The following DIAPH2 variants were observed in gnomAD, a reference collection of about 807,000 sequenced individuals.
DIAPH2 encodes the protein protein diaphanous homolog 2.
In DIAPH2, 35 loss-of-function variants were observed where a neutral mutation model predicts 92.7. The ratio of observed to expected loss-of-function variants is 0.38; its 90% CI spans 0.29 to 0.50. The LOEUF (loss-of-function observed/expected upper bound fraction) is 0.50. DIAPH2 is among the 20% of genes least tolerant of loss of function. DIAPH2 has a pLI of 0.94. For missense variants in DIAPH2, 701 were observed against 819.5 expected (o/e 0.86, Z 1.77); for synonymous variants, 301 against 280.4 (o/e 1.07, Z -0.73).
chrX:96,765,357 C>T (rs1232783741), intron 4 of DIAPH2, among the ~76,000 whole-genome samples: 1 of 109,076 alleles, frequency 9.2e-6, no homozygotes, highest in African/African-American at 3.4e-5. Context: ...ACCACCATGC[C>T]CAGCTAATTT....
chrX:96,885,749 T>C (rs1010073336), intron 5 of DIAPH2, among the ~76,000 whole-genome samples: 1 of 111,787 alleles, frequency 8.9e-6, no homozygotes, highest in African/African-American at 3.2e-5. Context: ...TGTGGTGAAG[T>C]TCAATGATTA....
chrX:97,471,997 T>C (rs62594817), intron 26 of DIAPH2, among the ~76,000 whole-genome samples: 3,803 of 111,931 alleles, frequency 0.034, 71 homozygotes, highest in Non-Finnish European at 0.054. Flanking sequence ...CCCTTTCACT[T>C]AGGGGCTCAT....
chrX:96,852,921 AG>A (rs2065014806), intron 4 of DIAPH2, among the ~76,000 whole-genome samples: 1 of 111,846 alleles, frequency 8.9e-6, no homozygotes, highest in South Asian at 3.7e-4. Context: ...ACAGGTAAAA[AG>A]GTGCCCTATT....
chrX:97,160,165 A>G (rs2067358011), intron 22 of DIAPH2, among the ~76,000 whole-genome samples: 2 of 111,562 alleles, frequency 1.8e-5, no homozygotes, highest in Admixed American at 1.9e-4. Flanking sequence ...ATGAAATCAT[A>G]AGGATGTGTA....
intron 22 of DIAPH2, among the ~76,000 whole-genome samples, chrX:97,217,373 C>T (rs956677013): frequency 9.0e-6 from 1 of 111,530 alleles, no homozygotes; most frequent in African/African-American, 3.3e-5. Context: ...TCACCTGCTG[C>T]AGTAAGAAAG....
intron 4 of DIAPH2, among the ~76,000 whole-genome samples, chrX:96,810,402 T>A (rs2064668381): frequency 9.1e-6 from 1 of 109,635 alleles, no homozygotes; most frequent in African/African-American, 3.3e-5. Flanking sequence ...GAGTTCTTTG[T>A]AGATTCTGGA....
chrX:97,011,891 CAAAAAAAAAAAAAAAA>C (rs1169242843), intron 17 of DIAPH2, among the ~76,000 whole-genome samples: 2 of 32,201 alleles, frequency 6.2e-5, no homozygotes, highest in African/African-American at 3.2e-4. Flanking sequence ...GACACTGTCT[CAAAAAAAAAAAAAAAA>C]AAAAAAAAAA....
chrX:97,494,921 C>G (rs1215771449), intron 26 of DIAPH2, among the ~76,000 whole-genome samples: 1 of 112,366 alleles, frequency 8.9e-6, no homozygotes, highest in African/African-American at 3.2e-5. Flanking sequence ...CTATGCTCAC[C>G]ACAGTAAGCT....
intron 13 of DIAPH2, 122 bp downstream of exon 13, chrX:96,942,258 G>T: frequency 2.1e-6 from 1 of 474,744 alleles, no homozygotes; most frequent in South Asian, 3.0e-5. Context: ...ATTCATATCT[G>T]GTAAATCATT....
chrX:97,195,533 C>T (rs1400670395), intron 22 of DIAPH2, among the ~76,000 whole-genome samples: 1 of 109,642 alleles, frequency 9.1e-6, no homozygotes, highest in Non-Finnish European at 1.9e-5. Flanking sequence ...TGGTAGTGCA[C>T]ACCTGTAATC....
chrX:97,287,946 C>G (rs1484476360), intron 23 of DIAPH2, among the ~76,000 whole-genome samples: 6 of 36,520 alleles, frequency 1.6e-4, no homozygotes, highest in Non-Finnish European at 2.2e-4. Flanking sequence ...GAGTGAGACT[C>G]TGTCTCAAAA....
chrX:97,389,864 C>T (rs1291792376), intron 25 of DIAPH2, among the ~76,000 whole-genome samples: 1 of 110,482 alleles, frequency 9.1e-6, no homozygotes, highest in Non-Finnish European at 1.9e-5. Context: ...TTGACCAGGG[C>T]AAGGGGGATG....
chrX:97,118,665 C>G (rs1297470090), intron 21 of DIAPH2, among the ~76,000 whole-genome samples: 1 of 111,873 alleles, frequency 8.9e-6, no homozygotes, highest in Admixed American at 9.5e-5. Context: ...TCACAAGGTA[C>G]ACTGTCAATG....
chrX:96,697,194 A>G (rs1161348241), intron 1 of DIAPH2, among the ~76,000 whole-genome samples: 4 of 110,493 alleles, frequency 3.6e-5, no homozygotes, highest in South Asian at 7.9e-4. Context: ...ATAGCCAGCA[A>G]GAATGGGCAG....
At chrX:96,822,145 G>A (rs2064782456) in intron 4 of DIAPH2, among the ~76,000 whole-genome samples, 1 of 110,366 alleles carries the variant, frequency 9.1e-6, no homozygotes, top group Non-Finnish European at 1.9e-5. Context: ...GTACAGTTAA[G>A]TCCTATGAAA....
intron 17 of DIAPH2, among the ~76,000 whole-genome samples, chrX:97,036,544 C>T (rs1239278682): frequency 8.9e-6 from 1 of 111,939 alleles, no homozygotes; most frequent in Non-Finnish European, 1.9e-5. Flanking sequence ...CATGGTTGCC[C>T]ATGGTACTGA....
chrX:97,094,224 T>A (rs1227104033), intron 19 of DIAPH2, among the ~76,000 whole-genome samples: 1 of 111,546 alleles, frequency 9.0e-6, no homozygotes, highest in East Asian at 2.8e-4. Context: ...GCTGGAGACG[T>A]TCATTTGGCA....
At chrX:96,975,463 C>T (rs2065954678) in intron 17 of DIAPH2, among the ~76,000 whole-genome samples, 2 of 111,752 alleles carry the variant, frequency 1.8e-5, no homozygotes, top group Non-Finnish European at 1.9e-5. Context: ...AGAGAGAGTT[C>T]GTGTCCTAAC....
At chrX:97,030,392 C>CT (rs938359484) in intron 17 of DIAPH2, among the ~76,000 whole-genome samples, 1 of 111,036 alleles carries the variant, frequency 9.0e-6, no homozygotes, top group African/African-American at 3.3e-5. Flanking sequence ...CAGCTATTTT[C>CT]TTTTTTTTCT....
Sources: allele counts gnomAD v4.1 joint callset (sites outside exome capture counted in the v4.1 genomes callset), GRCh38; gene constraint gnomAD v4.1.1; transcripts MANE v1.5; gene names NCBI Gene and HGNC (gene_info 2026-07-23, HGNC 2026-07-21).